The following MORC1 variants were observed in gnomAD, a reference collection of about 807,000 sequenced individuals.
MORC1 encodes MORC family CW-type zinc finger 1.
In MORC1, 59 loss-of-function variants were observed where a neutral mutation model predicts 134.9. The ratio of observed to expected loss-of-function variants is 0.44; its 90% CI spans 0.35 to 0.54. The LOEUF (loss-of-function observed/expected upper bound fraction) is 0.54, where lower values mean the gene tolerates loss of function less well. Among genes scored for constraint, MORC1 ranks in the 20% least tolerant of loss-of-function variants. The pLI, the probability that MORC1 is intolerant of heterozygous loss-of-function variation, is 0.00. For synonymous variants in MORC1, 395 were observed against 391.7 expected (o/e 1.01, Z -0.10); for missense variants, 947 against 1,134.5 (o/e 0.83, Z 2.37).
chr3:109,035,257 C>T (rs1949347155), intron 15 of MORC1, 83 bp downstream of exon 15: 41 of 1,294,608 alleles, frequency 3.2e-5, no homozygotes, highest in Non-Finnish European at 4.3e-5. Context: ...CTTTGTCTCC[C>T]TCATCCCTCA....
rs563218423 is a variant in MORC1, at chr3:109,100,471, T to C, written c.260A>G (p.Lys87Arg). 3 of 1,613,802 alleles carry C rather than the reference T, an allele frequency of 1.9e-6. No individual in the cohort carries two copies. The highest frequency in any genetic ancestry group is 2.2e-5 in the South Asian group (2 of 91,072). ...ASDIIYFGRS[K>R]KRLSTLKFIG... ...GAACTTCAAGGTTGACAGCCGTTTT[T>C]TGGATCGTCCAAAGTAAATGATGTC... is the stretch of plus-strand genomic sequence containing the variant. Residue 87 changes from lysine (K) to arginine (R), a missense_variant, in exon 5 of 28, where the codon AAA becomes AGA. Physicochemically the swap from Lys to Arg is conservative, Grantham distance 26 (BLOSUM62 2). Transcript: ENST00000232603.
At chr3:108,984,302 C>G (rs1947834595) in intron 23 of MORC1, among the ~76,000 whole-genome samples, 1 of 151,810 alleles carries the variant, frequency 6.6e-6, no homozygotes, top group Non-Finnish European at 1.5e-5. Context: ...TGATAAAATT[C>G]TCATGTCAAA....
chr3:108,971,803 GAGGAAGGA>G (rs370029015), intron 24 of MORC1, among the ~76,000 whole-genome samples: 19 of 142,430 alleles, frequency 1.3e-4, no homozygotes, highest in African/African-American at 4.9e-4. Context: ...GTTACTGAAA[GAGGAAGGA>G]AGGAAGGAAG....
intron 8 of MORC1, among the ~76,000 whole-genome samples, chr3:109,074,270 C>T (rs1950376765): frequency 6.6e-6 from 1 of 152,186 alleles, no homozygotes; most frequent in Non-Finnish European, 1.5e-5. Flanking sequence ...CCTTTGATGA[C>T]AGCCAATTGC....
In MORC1 at chr3:109,054,783, A is replaced by C. The variant is rs1467813065; in HGVS notation, c.1275T>G (p.His425Gln). The C allele has an allele frequency of 6.2e-7, 1 of 1,602,174 alleles. No homozygotes were observed. The highest frequency in any genetic ancestry group is 1.4e-5 in the African/African-American group (1 of 73,930). ...QEFLNVQEYN[H>Q]LLKVMGQYLV... is the part of the protein sequence containing the mutation. ...AGTACTGTCCCATGACTTTTAGTAG[A>C]TGATTATACTCTTGGACATTGAGAA... Residue 425 changes from histidine to glutamine, a missense_variant, in exon 14 of 28, where the codon CAT (histidine) becomes CAG (glutamine). Coordinates refer to ENST00000232603, the MANE Select transcript of MORC1 (RefSeq NM_014429.4).
At chr3:109,046,991 T>C (rs910196685) in intron 14 of MORC1, among the ~76,000 whole-genome samples, 1 of 152,090 alleles carries the variant, frequency 6.6e-6, no homozygotes, top group African/African-American at 2.4e-5. Context: ...TAAAACATGA[T>C]TTTCAAAGAC....
At chr3:109,037,807 G>A (rs926053247) in intron 14 of MORC1, among the ~76,000 whole-genome samples, 2 of 152,178 alleles carry the variant, frequency 1.3e-5, no homozygotes, top group Non-Finnish European at 2.9e-5. Context: ...ATTCCATGGT[G>A]TATATGCGCC....
chr3:109,045,085 C>G, intron 14 of MORC1, among the ~76,000 whole-genome samples: 1 of 152,044 alleles, frequency 6.6e-6, no homozygotes, highest in Admixed American at 6.6e-5. Flanking sequence ...ACTACCACAG[C>G]AAAGCTTTGA....
At chr3:109,004,408 G>A (rs1948487771) in intron 20 of MORC1, among the ~76,000 whole-genome samples, 1 of 152,188 alleles carries the variant, frequency 6.6e-6, no homozygotes, top group African/African-American at 2.4e-5. Flanking sequence ...AAGTTATTGA[G>A]ATGATGTCTA....
In MORC1 at chr3:109,004,846, G is replaced by A. The variant is rs1411021547; in HGVS notation, c.2056C>T (p.Pro686Ser). The change falls in exon 20 of 28, where the codon CCA (proline) becomes TCA (serine). Residue 686 changes from proline (P) to serine (S), a missense_variant. This residue lies in a region of MORC1 where 722 missense variants were observed against 817.0 expected (regional missense o/e 0.88). Coordinates refer to ENST00000232603, the MANE Select transcript of MORC1 (RefSeq NM_014429.4). The stretch of plus-strand genomic sequence containing the variant: ...GCATTCTTCAGGCACCCTTCAGTTG[G>A]TTGAGCTCTCCAGACAGTGGTAATA... ...ANITTVWRAQ[P>S]TEGCLKNAQA... is the part of the protein sequence containing the mutation. 1 of 1,613,656 alleles carries A rather than the reference G, an allele frequency of 6.2e-7. No homozygotes were observed. The highest frequency in any genetic ancestry group is 1.3e-5 in the African/African-American group (1 of 74,868).
At chr3:108,989,610 A>T (rs1480097046) in intron 21 of MORC1, among the ~76,000 whole-genome samples, 2 of 152,174 alleles carry the variant, frequency 1.3e-5, no homozygotes, top group African/African-American at 2.4e-5. Context: ...ACTGAGTGAT[A>T]TCACTTTATC....
intron 14 of MORC1, among the ~76,000 whole-genome samples, chr3:109,054,280 C>CAA (rs11292790): frequency 1.8e-5 from 2 of 112,656 alleles, no homozygotes; most frequent in African/African-American, 3.1e-5. Context: ...GACTCCATCT[C>CAA]AAAAAAAAAA....
chr3:109,008,553 CTCT>C (rs1948605999), intron 17 of MORC1, among the ~76,000 whole-genome samples: 1 of 151,682 alleles, frequency 6.6e-6, no homozygotes, highest in Admixed American at 6.6e-5. Context: ...GTATGATTGT[CTCT>C]TTTTTCATGT....
intron 24 of MORC1, among the ~76,000 whole-genome samples, chr3:108,974,383 T>C (rs1201241694): frequency 6.6e-6 from 1 of 152,234 alleles, no homozygotes; most frequent in Non-Finnish European, 1.5e-5. Flanking sequence ...TTCAGTTTTA[T>C]TGTCTTGAGT....
chr3:108,971,774 T>G (rs1291401526), intron 24 of MORC1, among the ~76,000 whole-genome samples: 1 of 150,772 alleles, frequency 6.6e-6, no homozygotes, highest in Non-Finnish European at 1.5e-5. Context: ...TGAACATACA[T>G]TTATCTCAAA....
intron 13 of MORC1, among the ~76,000 whole-genome samples, chr3:109,056,962 T>C (rs1471625916): frequency 3.3e-5 from 5 of 152,212 alleles, no homozygotes; most frequent in Non-Finnish European, 7.3e-5. Flanking sequence ...AACTCATACA[T>C]GTAGGGTTGC....
intron 8 of MORC1, among the ~76,000 whole-genome samples, chr3:109,093,195 A>G (rs1367373138): frequency 6.6e-6 from 1 of 152,214 alleles, no homozygotes; most frequent in Non-Finnish European, 1.5e-5. Context: ...GTATCTGGAC[A>G]TTCTGACTCA....
intron 22 of MORC1, 29 bp downstream of exon 22, chr3:108,986,851 T>C (rs1559873310): frequency 2.9e-6 from 4 of 1,392,624 alleles, no homozygotes; most frequent in Admixed American, 4.7e-5. Context: ...AGCTAATATA[T>C]ATATATACAT....
intron 17 of MORC1, among the ~76,000 whole-genome samples, chr3:109,025,987 A>T (rs1483233601): frequency 6.6e-6 from 1 of 152,166 alleles, no homozygotes; most frequent in Non-Finnish European, 1.5e-5. Flanking sequence ...ACATTTTGGT[A>T]TTACAGATAC....
Sources: allele counts gnomAD v4.1 joint callset (sites outside exome capture counted in the v4.1 genomes callset), GRCh38; gene constraint gnomAD v4.1.1; regional missense constraint gnomAD v4.1.1; transcripts MANE v1.5; gene names NCBI Gene and HGNC (gene_info 2026-07-23, HGNC 2026-07-21).